Variants in ITGB6 observed in about 807,000 individuals in gnomAD.
ITGB6 encodes integrin beta-6.
Under a neutral mutation model 84.5 loss-of-function variants are expected in ITGB6, and 80 were observed. The ratio of observed to expected loss-of-function variants is 0.95; its 90% CI spans 0.79 to 1.14. The LOEUF is 1.14. Among genes scored for constraint, ITGB6 ranks in the 50% most tolerant of loss-of-function variants. ITGB6 has a pLI of 0.00. For synonymous variants in ITGB6, 383 were observed against 354.9 expected, an observed-to-expected ratio of 1.08 and a Z score of -0.89; for missense variants, 1,006 against 968.0, an observed-to-expected ratio of 1.04 and a Z score of -0.52.
At chr2:160,142,191 G>A (rs1231075198) in intron 7 of ITGB6, 120 bp from the exon 8 acceptor site, 8 of 609,104 alleles carry the variant, frequency 1.3e-5, no homozygotes, top group Non-Finnish European at 2.0e-5. Context: ...ACAGGTTCGT[G>A]ATAACAAACC....
At chr2:160,103,178 G>A (rs941051379) in intron 14 of ITGB6, among the ~76,000 whole-genome samples, 1 of 151,706 alleles carries the variant, frequency 6.6e-6, no homozygotes, top group Non-Finnish European at 1.5e-5. Context: ...TCTAGGGGTG[G>A]ATTTGAAAAA....
intron 1 of ITGB6, among the ~76,000 whole-genome samples, chr2:160,199,623 A>C (rs1464843404): frequency 6.6e-6 from 1 of 152,208 alleles, no homozygotes; most frequent in Non-Finnish European, 1.5e-5. Flanking sequence ...TTTCTTAAAC[A>C]AGTTATTTCT....
chr2:160,113,805 T>G (rs991250215), intron 12 of ITGB6, among the ~76,000 whole-genome samples: 1 of 152,238 alleles, frequency 6.6e-6, no homozygotes, highest in Non-Finnish European at 1.5e-5. Flanking sequence ...TGGTATTGCA[T>G]ATATAATTCA....
intron 11 of ITGB6, among the ~76,000 whole-genome samples, chr2:160,125,443 A>G (rs966772324): frequency 2.0e-5 from 3 of 152,222 alleles, no homozygotes; most frequent in African/African-American, 7.2e-5. Context: ...AAACACCTTG[A>G]AGGGACATTT....
chr2:160,196,138 T>C (rs1456909342), intron 3 of ITGB6, 78 bp downstream of exon 3: 15 of 1,174,726 alleles, frequency 1.3e-5, no homozygotes, highest in Non-Finnish European at 1.8e-5. Flanking sequence ...TGTAATATGA[T>C]ACAAGACACA....
chr2:160,128,622 G>A (rs1200695032), intron 10 of ITGB6, among the ~76,000 whole-genome samples: 1 of 152,164 alleles, frequency 6.6e-6, no homozygotes, highest in African/African-American at 2.4e-5. Flanking sequence ...GGAATGGAAT[G>A]CTCAGGGTGT....
chr2:160,192,280 A>G (rs1398733813), intron 4 of ITGB6, among the ~76,000 whole-genome samples: 2 of 152,146 alleles, frequency 1.3e-5, no homozygotes, highest in Non-Finnish European at 2.9e-5. Flanking sequence ...TATGCAATGG[A>G]TCAATGAAAC....
chr2:160,177,751 T>G (rs1574125152), intron 4 of ITGB6, among the ~76,000 whole-genome samples: 1 of 152,238 alleles, frequency 6.6e-6, no homozygotes, highest in East Asian at 1.9e-4. Context: ...GCCTGATTTT[T>G]TTCAAAATAT....
intron 7 of ITGB6, among the ~76,000 whole-genome samples, chr2:160,153,133 A>G (rs1684492580): frequency 6.6e-6 from 1 of 152,218 alleles, no homozygotes; most frequent in Non-Finnish European, 1.5e-5. Flanking sequence ...CTGCCAAGAC[A>G]ATCTTAAGCA....
In ITGB6 at chr2:160,118,253, G is replaced by C. The variant is rs184803746; in HGVS notation, c.1981+5538C>G. Among the ~76,000 whole-genome samples, 1,077 of 152,232 alleles carry C rather than the reference G, an allele frequency of 7.1e-3. 16 individuals are homozygous for C. The highest frequency in any genetic ancestry group is 0.025 in the African/African-American group (1,027 of 41,528). On this transcript the variant is annotated intron_variant, in intron 12 of 14. Coordinates refer to ENST00000283249, the MANE Select transcript of ITGB6 (RefSeq NM_000888.5). ...CAAATATCCTTGACGAACATTGATG[G>C]AAAAATCCTCAATAAAATACTGGCA...
intron 10 of ITGB6, among the ~76,000 whole-genome samples, chr2:160,134,548 C>T (rs1683623320): frequency 6.6e-6 from 1 of 152,186 alleles, no homozygotes; most frequent in African/African-American, 2.4e-5. Context: ...CTCCCTAACT[C>T]ATTTTATGAG....
Position 160,195,376 on chromosome 2 carries a change from G to C in ITGB6, c.586C>G (p.Pro196Ala), listed in dbSNP as rs730880298. Reference protein sequence around the residue: ...VKTTPEEIANPCSSIPYFCLP... With the variant: ...VKTTPEEIANACSSIPYFCLP... Reference sequence around the variant, plus strand: ...AGAGAATCATTTACTTACCTGCAAGGGTTGGCAATTTCTTCTGGTGTTGTT... The same window carrying C: ...AGAGAATCATTTACTTACCTGCAAGCGTTGGCAATTTCTTCTGGTGTTGTT... Residue 196 changes from proline (P) to alanine (A), a missense_variant, in exon 4 of 15, where the codon CCT (proline) becomes GCT (alanine). Physicochemically the swap from Pro to Ala is conservative, Grantham distance 27. Transcript: ENST00000283249. 6.2e-7 allele frequency: 1 copy of C among 1,613,964 alleles called. No individual in the cohort carries two copies. Among genetic ancestry groups the C allele is most frequent in the African/African-American group, 1.3e-5 (1 of 74,900 alleles).
chr2:160,127,818 T>A (rs1683296972), intron 10 of ITGB6, among the ~76,000 whole-genome samples: 1 of 152,214 alleles, frequency 6.6e-6, no homozygotes, highest in South Asian at 2.1e-4. Context: ...TGCTTTTAGT[T>A]AAGATGCCAT....
chr2:160,128,061 TA>T (rs1683305325), intron 10 of ITGB6, among the ~76,000 whole-genome samples: 1 of 152,208 alleles, frequency 6.6e-6, no homozygotes, highest in Admixed American at 6.5e-5. Context: ...TAATTGAGCA[TA>T]TACTATGTGC....
Position 160,126,543 on chromosome 2 carries a change from G to C in ITGB6, c.1719C>G (p.Tyr573Ter), listed in dbSNP as rs1173904734. The C allele has an allele frequency of 6.2e-7, 1 of 1,613,982 alleles. No homozygotes were observed. The highest frequency in any genetic ancestry group is 8.5e-7 in the Non-Finnish European group (1 of 1,179,992). ...AGTCCGTGCTGGTGGTGCAGTTGCA[G>C]TACTCGCCAGTCCAGCCGCTCCTGC... ...CVCRSGWTGE[Y>*]CNCTTSTDSC... The change falls in exon 11 of 15, where the codon TAC (tyrosine) becomes TAG (stop). Residue 573 changes from tyrosine to a stop codon, truncating the protein, a stop_gained. Transcript: ENST00000283249. LOFTEE classifies it high-confidence loss of function.
intron 4 of ITGB6, among the ~76,000 whole-genome samples, chr2:160,186,593 G>A (rs759133245): frequency 3.9e-5 from 6 of 152,142 alleles, no homozygotes; most frequent in Non-Finnish European, 7.3e-5. Flanking sequence ...AATACCACTT[G>A]ACTCAGCAAT....
chr2:160,141,619 T>A (rs1406636491), intron 8 of ITGB6, among the ~76,000 whole-genome samples: 1 of 152,234 alleles, frequency 6.6e-6, no homozygotes, highest in Non-Finnish European at 1.5e-5. Context: ...GCTCTCTACA[T>A]AACTCTGTCA....
intron 12 of ITGB6, 57 bp downstream of exon 12, chr2:160,123,734 A>G (rs552231499): frequency 1.5e-6 from 2 of 1,323,916 alleles, no homozygotes; most frequent in South Asian, 1.2e-5. Flanking sequence ...AGGGTCAAGA[A>G]CTACGCCTCT....
intron 7 of ITGB6, among the ~76,000 whole-genome samples, chr2:160,144,037 G>A (rs1021383722): frequency 6.6e-6 from 1 of 152,108 alleles, no homozygotes; most frequent in African/African-American, 2.4e-5. Flanking sequence ...TTTTGTTGTT[G>A]TTGTTAATTT....
Sources: allele counts gnomAD v4.1 joint callset (sites outside exome capture counted in the v4.1 genomes callset), GRCh38; gene constraint gnomAD v4.1.1; transcripts MANE v1.5; gene names NCBI Gene and HGNC (gene_info 2026-07-23, HGNC 2026-07-21).